The following ARHGEF7 variants were observed in gnomAD, a reference collection of about 807,000 sequenced individuals.
ARHGEF7 encodes the protein Rho guanine nucleotide exchange factor 7.
Under a neutral mutation model 109.8 loss-of-function variants are expected in ARHGEF7, and 33 were observed. That is an observed-to-expected ratio of 0.30 (90% confidence interval 0.23 to 0.40). The LOEUF (loss-of-function observed/expected upper bound fraction) is 0.40, where lower values mean the gene tolerates loss of function less well. Among genes scored for constraint, ARHGEF7 ranks in the 10% least tolerant of loss-of-function variants. ARHGEF7 has a pLI of 1.00. For missense variants in ARHGEF7, 938 were observed against 1,098.5 expected (o/e 0.85, Z 2.07); for synonymous variants, 458 against 424.6 (o/e 1.08, Z -0.97).
chr13:111,282,245 G>A (rs530856165), intron 15 of ARHGEF7, among the ~76,000 whole-genome samples: 3 of 152,210 alleles, frequency 2.0e-5, no homozygotes, highest in South Asian at 2.1e-4. Context: ...TCAGAATGCC[G>A]GCCCCACTCC....
chr13:111,274,795 G>A lies in ARHGEF7; in HGVS notation c.1272+5G>A. On this transcript the variant is annotated splice_donor_5th_base_variant and intron_variant, in intron 11 of 21. Coordinates refer to ENST00000646102, the MANE Select transcript of ARHGEF7 (RefSeq NM_001354046.2). ...GCTGCCTTCAAAAACCTTTCAGTAA[G>A]TGATTAAGCATATTGTTTTCCCCCC... 6.9e-7 allele frequency: 1 copy of A among 1,459,848 alleles called. No individual in the cohort carries two copies. The highest frequency in any genetic ancestry group is 9.1e-7 in the Non-Finnish European group (1 of 1,095,704). The allele number at this position is 1,459,848 out of a possible 1,614,324, so 90.4% of individuals were successfully genotyped here. A position where few individuals can be genotyped will look rare whatever the true frequency, so the allele number is the denominator to read the frequency against.
chr13:111,140,704 CT>C (rs1376880064), intron 1 of ARHGEF7, among the ~76,000 whole-genome samples: 1 of 152,006 alleles, frequency 6.6e-6, no homozygotes, highest in Non-Finnish European at 1.5e-5. Context: ...CGTTTGTTTG[CT>C]TTTTTAGAGG....
intron 8 of ARHGEF7, among the ~76,000 whole-genome samples, chr13:111,248,898 T>G (rs188047257): frequency 6.6e-6 from 1 of 152,346 alleles, no homozygotes; most frequent in African/African-American, 2.4e-5. Flanking sequence ...CTGTGGGTTG[T>G]AGACTCTTGA....
intron 1 of ARHGEF7, among the ~76,000 whole-genome samples, chr13:111,133,763 TTA>T (rs763290549): frequency 6.1e-3 from 45 of 7,374 alleles, no homozygotes; most frequent in African/African-American, 0.02. Flanking sequence ...CTGCTTTTCT[TTA>T]TATATATATA....
chr13:111,169,466 C>G (rs570484854), intron 2 of ARHGEF7, among the ~76,000 whole-genome samples: 212 of 152,158 alleles, frequency 1.4e-3, no homozygotes, highest in African/African-American at 4.6e-3. Flanking sequence ...GTGCCACACA[C>G]CTTGAAACAA....
intron 16 of ARHGEF7, among the ~76,000 whole-genome samples, chr13:111,284,466 T>A (rs1187695140): frequency 4.6e-5 from 7 of 152,222 alleles, no homozygotes; most frequent in Admixed American, 1.3e-4. Flanking sequence ...TGAAGAATGT[T>A]GCTGTTCCTT....
Position 111,147,890 on chromosome 13 carries a change from G to A in ARHGEF7, c.166-6015G>A, listed in dbSNP as rs193023367. ...TTTTTTGTATTTTTAGTAGAGACGG[G>A]GTTTCACCGTTTTAGCCGGGATGGT... On this transcript the variant is annotated intron_variant, in intron 1 of 21. Transcript: ENST00000646102. Among the ~76,000 whole-genome samples, 1,500 of 151,784 alleles carry A rather than the reference G, an allele frequency of 9.9e-3. 27 individuals carry two copies. The highest frequency in any genetic ancestry group is 0.034 in the African/African-American group (1,413 of 41,358).
chr13:111,208,212 G>C (rs1375379875), intron 3 of ARHGEF7, among the ~76,000 whole-genome samples: 1 of 152,148 alleles, frequency 6.6e-6, no homozygotes, highest in East Asian at 1.9e-4. Context: ...GGCTAATTTT[G>C]TATTTTTAGT....
At chr13:111,159,840 A>G (rs1199452329) in intron 2 of ARHGEF7, among the ~76,000 whole-genome samples, 1 of 152,140 alleles carries the variant, frequency 6.6e-6, no homozygotes, top group Non-Finnish European at 1.5e-5. Flanking sequence ...TTTGCTGTGC[A>G]TAATCTTTTC....
At chr13:111,203,091 G>T (rs1164811692) in intron 2 of ARHGEF7, 2 of 1,283,968 alleles carry the variant, frequency 1.6e-6, no homozygotes, top group African/African-American at 3.0e-5. Flanking sequence ...TCTGGGTTTT[G>T]TGACTTGCTG....
At chr13:111,289,441 T>C (rs2093176420) in intron 18 of ARHGEF7, among the ~76,000 whole-genome samples, 1 of 152,230 alleles carries the variant, frequency 6.6e-6, no homozygotes, top group Admixed American at 6.5e-5. Context: ...GGCATCTGCG[T>C]GCCCACAACA....
At chr13:111,127,992 A>G (rs936623552) in intron 1 of ARHGEF7, among the ~76,000 whole-genome samples, 1 of 152,246 alleles carries the variant, frequency 6.6e-6, no homozygotes, top group Non-Finnish European at 1.5e-5. Flanking sequence ...AAAGCATTCA[A>G]TGCAATCCAA....
rs540922147 is a variant in ARHGEF7 at position 111,196,183 on chromosome 13, G to A, written c.253-9106G>A. 1.1e-4 allele frequency among the ~76,000 whole-genome samples: 17 copies of A among 152,234 alleles called. No individual in the cohort carries two copies. The East Asian group carries it at 2.5e-3, about 22-fold the overall frequency. On this transcript the variant is annotated intron_variant, in intron 2 of 21. Transcript: ENST00000646102. ...CTAGACATCATTGAATAATTAATGG[G>A]CTTTTTCCTAACTCTCCTTAGTCCT...
intron 6 of ARHGEF7, among the ~76,000 whole-genome samples, chr13:111,242,022 C>T (rs1264602535): frequency 2.6e-5 from 4 of 152,168 alleles, no homozygotes; most frequent in African/African-American, 9.7e-5. Context: ...TTTACCTCTG[C>T]TCACCAGACC....
chr13:111,191,791 C>G (rs1328937223), intron 2 of ARHGEF7, among the ~76,000 whole-genome samples: 2 of 152,006 alleles, frequency 1.3e-5, no homozygotes, highest in African/African-American at 2.4e-5. Context: ...CTCTGGAAGA[C>G]GAGATCATTT....
intron 2 of ARHGEF7, among the ~76,000 whole-genome samples, chr13:111,190,466 T>C (rs1440392315): frequency 1.3e-5 from 2 of 152,102 alleles, no homozygotes; most frequent in Non-Finnish European, 2.9e-5. Context: ...CTCGGTGGTT[T>C]TGGAGAGTCA....
At position 111,283,616 on chromosome 13, in the gene ARHGEF7, C is replaced by A. The variant is rs548671236; in HGVS notation, c.1950+253C>A. Among the ~76,000 whole-genome samples the A allele has an allele frequency of 5.3e-5, 8 of 152,322 alleles. No individual in the cohort carries two copies. In the South Asian group the frequency reaches 6.2e-4, roughly 12 times the overall value. Reference sequence around the variant, plus strand: ...CACAGGGGGGCCTTTACTGCACTTGCCGGAGGAGTGTGCCGCCAGGGGCCA... The same window carrying A: ...CACAGGGGGGCCTTTACTGCACTTGACGGAGGAGTGTGCCGCCAGGGGCCA... On this transcript the variant is annotated intron_variant, in intron 16 of 21. Transcript: ENST00000646102.
At chr13:111,153,013 A>G (rs961943139) in intron 1 of ARHGEF7, among the ~76,000 whole-genome samples, 1 of 152,228 alleles carries the variant, frequency 6.6e-6, no homozygotes, top group Non-Finnish European at 1.5e-5. Flanking sequence ...ATTTCTTCTC[A>G]GCTGACTTAC....
At chr13:111,121,560 G>A (rs976080286) in intron 1 of ARHGEF7, among the ~76,000 whole-genome samples, 8 of 152,116 alleles carry the variant, frequency 5.3e-5, no homozygotes, top group African/African-American at 1.9e-4. Flanking sequence ...GATTTTAGCC[G>A]TTTGGATTGG....
Sources: gnomAD v4.1 joint callset for allele counts (sites outside exome capture counted in the v4.1 genomes callset) on GRCh38, gnomAD v4.1.1 for gene constraint, MANE v1.5 for transcripts, NCBI Gene and HGNC (gene_info 2026-07-23, HGNC 2026-07-21) for gene names.